Variants in XRN1 observed in about 807,000 individuals in gnomAD.
The protein encoded by XRN1 is strand-exchange protein 1 homolog.
Under a neutral mutation model 222.3 loss-of-function variants are expected in XRN1, and 67 were observed. The ratio of observed to expected loss-of-function variants is 0.30; its 90% CI spans 0.25 to 0.37. The LOEUF is 0.37. XRN1 is among the 10% of genes least tolerant of loss of function. The probability of loss-of-function intolerance (pLI) is 1.00; values close to 1 mark genes in which losing one functional copy is unlikely to be tolerated. For missense variants in XRN1, 1,707 were observed against 2,000.2 expected (o/e 0.85, Z 2.80); for synonymous variants, 643 against 652.4 (o/e 0.99, Z 0.22).
chr3:142,327,856 C>G (rs76018813), intron 37 of XRN1, among the ~76,000 whole-genome samples: 17,275 of 152,032 alleles, frequency 0.11, 1,263 homozygotes, highest in Admixed American at 0.19. Flanking sequence ...CCTTCCAAGT[C>G]TCTATTATTT....
At chr3:142,335,391 A>G in intron 34 of XRN1, 57 bp downstream of exon 34, 1 of 1,490,386 alleles carries the variant, frequency 6.7e-7, no homozygotes, top group Non-Finnish European at 9.4e-7. Flanking sequence ...AATGCTACAG[A>G]GCCACCAATT....
At chr3:142,435,046 C>T (rs1418688971) in intron 1 of XRN1, 2 of 152,022 alleles carry the variant, frequency 1.3e-5, no homozygotes, top group African/African-American at 4.8e-5. Context: ...TTAAAAAGCG[C>T]CATATATAAT....
chr3:142,311,310 C>G lies in XRN1; in HGVS notation c.*201G>C. ...TGAGGTATAATTGACATACAACAAA[C>G]TGCACATACTTAAAGTGCACAATTT... On this transcript the variant is annotated 3_prime_UTR_variant, in exon 41 of 41. Coordinates refer to ENST00000392981, the MANE Select transcript of XRN1 (RefSeq NM_001282857.2). 1 of 424,938 alleles carries G rather than the reference C, an allele frequency of 2.4e-6. No individual in the cohort carries two copies. The highest frequency in any genetic ancestry group is 4.1e-6 in the Non-Finnish European group (1 of 244,408). The allele number at this position is 424,938 out of a possible 1,614,324, so 26.3% of individuals were successfully genotyped here.
In XRN1 at chr3:142,448,017, T is replaced by C; in HGVS notation, c.-73A>G. 8 of 1,515,074 alleles carry C rather than the reference T, an allele frequency of 5.3e-6. No homozygotes were observed. Among genetic ancestry groups the C allele is most frequent in the Non-Finnish European group, 7.3e-6 (8 of 1,097,806 alleles). The allele number at this position is 1,515,074 out of a possible 1,614,324, so 93.9% of individuals were successfully genotyped here. A position where few individuals can be genotyped will look rare whatever the true frequency, so the allele number is the denominator to read the frequency against. ...GCCCCGCCGGGGCTCCGCCGCAGCC[T>C]CCGGTCGTCGCTCCGCGGATGACAA... On this transcript the variant is annotated 5_prime_UTR_variant, in exon 1 of 41. Transcript: ENST00000392981.
intron 32 of XRN1, among the ~76,000 whole-genome samples, chr3:142,353,023 T>G (rs1477892539): frequency 6.6e-6 from 1 of 152,222 alleles, no homozygotes; most frequent in Non-Finnish European, 1.5e-5. Flanking sequence ...TTCCTCTTCC[T>G]TTCTTTGTCT....
intron 15 of XRN1, among the ~76,000 whole-genome samples, chr3:142,411,557 C>T (rs1437052723): frequency 1.3e-5 from 2 of 151,954 alleles, no homozygotes; most frequent in East Asian, 1.9e-4. Flanking sequence ...GCAATCCTAC[C>T]GTCTTGGCCT....
intron 31 of XRN1, among the ~76,000 whole-genome samples, chr3:142,355,774 C>T (rs2066451101): frequency 6.6e-6 from 1 of 151,724 alleles, no homozygotes; most frequent in South Asian, 2.1e-4. Flanking sequence ...TCATGCCCAA[C>T]TATTTTTTTT....
chr3:142,332,654 A>T (rs776981554), intron 35 of XRN1, 120 bp from the exon 36 acceptor site: 40 of 971,780 alleles, frequency 4.1e-5, no homozygotes, highest in Non-Finnish European at 5.2e-5. Context: ...TAAGACATTA[A>T]CTACATTCAG....
chr3:142,347,450 A>G (rs2066177311), intron 32 of XRN1, 108 bp from the exon 33 acceptor site: 3 of 696,428 alleles, frequency 4.3e-6, no homozygotes, highest in African/African-American at 1.8e-5. Flanking sequence ...AGTTCCTTAG[A>G]AAAAAACTTA....
chr3:142,370,682 A>G, intron 26 of XRN1, 62 bp from the exon 27 acceptor site: 1 of 1,408,614 alleles, frequency 7.1e-7, no homozygotes, highest in South Asian at 1.5e-5. Flanking sequence ...ATAAATTATA[A>G]AAGACATAAA....
At chr3:142,366,707 T>TG (rs1415379515) in intron 27 of XRN1, among the ~76,000 whole-genome samples, 7 of 152,060 alleles carry the variant, frequency 4.6e-5, no homozygotes, top group African/African-American at 1.7e-4. Context: ...GCCGACTAGA[T>TG]GCACTAAAAG....
chr3:142,440,470 C>T (rs1246929981), intron 1 of XRN1, among the ~76,000 whole-genome samples: 1 of 151,892 alleles, frequency 6.6e-6, no homozygotes, highest in Non-Finnish European at 1.5e-5. Context: ...GCAAAGAATG[C>T]CCATCCTGGT....
chr3:142,324,086 T>G lies in XRN1; in HGVS notation c.4405-5183A>C, dbSNP rs540450140. ...TATATATTATTGGGTTTTTTTTCAGTTTTTTTTTTATTATTTTTATTTTTT... is the reference window on the plus strand; with the variant it reads ...TATATATTATTGGGTTTTTTTTCAGGTTTTTTTTTATTATTTTTATTTTTT... On this transcript the variant is annotated intron_variant, in intron 37 of 40. Transcript: ENST00000392981. Among the ~76,000 whole-genome samples, 32 of 145,490 alleles carry G rather than the reference T, an allele frequency of 2.2e-4. No homozygotes were observed. In the East Asian group the frequency reaches 5.9e-3, roughly 27 times the overall value.
At chr3:142,378,791 G>A (rs2067216447) in intron 23 of XRN1, among the ~76,000 whole-genome samples, 2 of 151,886 alleles carry the variant, frequency 1.3e-5, no homozygotes, top group African/African-American at 4.8e-5. Flanking sequence ...ACAGGAGAAG[G>A]GAAGAAAAAA....
chr3:142,382,273 T>A (rs538318492), intron 22 of XRN1, among the ~76,000 whole-genome samples: 13 of 152,172 alleles, frequency 8.5e-5, no homozygotes, highest in Non-Finnish European at 1.8e-4. Flanking sequence ...GATTCTTACA[T>A]GATTCAATCT....
At chr3:142,396,118 C>G (rs961190600) in intron 20 of XRN1, among the ~76,000 whole-genome samples, 1 of 152,124 alleles carries the variant, frequency 6.6e-6, no homozygotes, top group Non-Finnish European at 1.5e-5. Context: ...TTATTCATTA[C>G]GTGTTTTTAT....
intron 22 of XRN1, among the ~76,000 whole-genome samples, chr3:142,381,001 G>T (rs1293475656): frequency 1.1e-5 from 1 of 88,188 alleles, no homozygotes; most frequent in Admixed American, 1.6e-4. Flanking sequence ...TAATTTCAAA[G>T]TACCAAAAAG....
intron 19 of XRN1, among the ~76,000 whole-genome samples, chr3:142,400,003 T>C (rs1185155870): frequency 6.6e-6 from 1 of 152,098 alleles, no homozygotes; most frequent in African/African-American, 2.4e-5. Context: ...TATAAACGAT[T>C]GTGAATTTCA....
intron 33 of XRN1, among the ~76,000 whole-genome samples, chr3:142,345,502 T>C (rs2066120321): frequency 6.6e-6 from 1 of 152,184 alleles, no homozygotes. Flanking sequence ...GTTTCTTAGA[T>C]GTACACCTAA....
Sources: allele counts gnomAD v4.1 joint callset (sites outside exome capture counted in the v4.1 genomes callset), GRCh38; gene constraint gnomAD v4.1.1; transcripts MANE v1.5; gene names NCBI Gene and HGNC (gene_info 2026-07-23, HGNC 2026-07-21).